The following DCN variants were observed in gnomAD, a reference collection of about 807,000 sequenced individuals.
DCN encodes the protein decorin, also known as bone proteoglycan II.
DCN carries 17 observed loss-of-function variants against 36.5 expected under a neutral mutation model. The observed-to-expected ratio is 0.47, with a 90% CI of 0.32 to 0.70. DCN has a LOEUF of 0.70. Ranked by LOEUF, DCN falls within the 30% of genes least tolerant of loss-of-function variation. The pLI is 0.04. For synonymous variants in DCN, 163 were observed against 161.4 expected (o/e 1.01, Z -0.07); for missense variants, 389 against 430.1 (o/e 0.90, Z 0.84).
chr12:91,172,469 T>C (rs1883029667), intron 2 of DCN: 1 of 207,392 alleles, frequency 4.8e-6, no homozygotes, highest in African/African-American at 2.4e-5. Context: ...GGCAAGCATG[T>C]TCCCCTTTTT....
Position 91,167,080 on chromosome 12 carries a change from A to G in DCN, c.212-2363T>C, listed in dbSNP as rs192738446. Among the ~76,000 whole-genome samples the G allele has an allele frequency of 6.0e-4, 91 of 152,346 alleles. 1 individual carries two copies. In the East Asian group the frequency reaches 0.01, roughly 17 times the overall value. Reference sequence around the variant, plus strand: ...ACAAGCTTATCTAGTTAGGAATGACAAAATGTGGATTAGATGACAACTCTC... The same window carrying G: ...ACAAGCTTATCTAGTTAGGAATGACGAAATGTGGATTAGATGACAACTCTC... On this transcript the variant is annotated intron_variant, in intron 2 of 7. Transcript: ENST00000052754.
intron 1 of DCN, 25 bp from the exon 2 acceptor site, chr12:91,178,610 G>A: frequency 1.4e-6 from 2 of 1,438,676 alleles, no homozygotes; most frequent in African/African-American, 1.4e-5. Flanking sequence ...AGAGATTTAA[G>A]AAGAGTAGCA....
intron 4 of DCN, 151 bp from the exon 5 acceptor site, chr12:91,157,339 CAGG>C (rs1881853493): frequency 1.5e-6 from 1 of 649,402 alleles, no homozygotes; most frequent in Non-Finnish European, 2.8e-6. Flanking sequence ...GCATGCTCCT[CAGG>C]AGAATAGCAA....
intron 2 of DCN, chr12:91,175,525 C>T (rs983771134): frequency 6.6e-5 from 10 of 151,988 alleles, no homozygotes; most frequent in African/African-American, 2.2e-4. Flanking sequence ...TTAACTTTGC[C>T]AAGAATATTT....
At chr12:91,160,468 CT>C (rs1173112280) in intron 3 of DCN, among the ~76,000 whole-genome samples, 1 of 151,878 alleles carries the variant, frequency 6.6e-6, no homozygotes, top group Non-Finnish European at 1.5e-5. Context: ...GTTCTAAAGG[CT>C]TTTTTGGTGA....
intron 5 of DCN, among the ~76,000 whole-genome samples, chr12:91,153,572 A>G (rs1458571802): frequency 6.6e-6 from 1 of 152,146 alleles, no homozygotes; most frequent in Non-Finnish European, 1.5e-5. Context: ...TATTCGAACC[A>G]TAATGAAGAG....
In DCN at chr12:91,153,062, G is replaced by T. The variant is rs184225368; in HGVS notation, c.746+34C>A. ...ATAAGCACTAATATACCTAGCCATTGTTCTGATAGAATGTCATGAAAGAAT... is the reference window on the plus strand; with the variant it reads ...ATAAGCACTAATATACCTAGCCATTTTTCTGATAGAATGTCATGAAAGAAT... On this transcript the variant is annotated intron_variant, in intron 6 of 7. Coordinates refer to ENST00000052754, the MANE Select transcript of DCN (RefSeq NM_001920.5). 1.1e-4 allele frequency: 126 copies of T among 1,138,434 alleles called. No homozygotes were observed. In the East Asian group the frequency reaches 2.1e-3, roughly 19 times the overall value. The allele number at this position is 1,138,434 out of a possible 1,614,324, so 70.5% of individuals were successfully genotyped here.
chr12:91,142,824 G>C lies in DCN; in HGVS notation c.*3234C>G, dbSNP rs1237726524. 2 of 152,014 alleles carry C rather than the reference G, an allele frequency of 1.3e-5. No individual in the cohort carries two copies. Among genetic ancestry groups the C allele is most frequent in the Non-Finnish European group, 2.9e-5 (2 of 67,982 alleles). 9.4% of individuals were successfully genotyped at this position (152,014 alleles called of 1,614,324 possible). On this transcript the variant is annotated 3_prime_UTR_variant, in exon 8 of 8. Coordinates refer to ENST00000052754, the MANE Select transcript of DCN (RefSeq NM_001920.5). ...GTGAAGCACCCATAATCGAACAACA[G>C]TTTTAATGAAAACAAAAAAATTAAA...
chr12:91,177,481 A>G, intron 2 of DCN: 1 of 670,898 alleles, frequency 1.5e-6, no homozygotes, highest in Non-Finnish European at 2.7e-6. Context: ...TCCAGTAAGA[A>G]AATACACCCC....
rs189189870 is a variant in DCN, at chr12:91,172,799, A to G, written c.211+5543T>C. 77 of 692,034 alleles carry G rather than the reference A, an allele frequency of 1.1e-4. No individual in the cohort carries two copies. The East Asian group carries it at 2.0e-3, about 18-fold the overall frequency. The allele number at this position is 692,034 out of a possible 1,614,324, so 42.9% of individuals were successfully genotyped here. Reference sequence around the variant, plus strand: ...ATCAATCGTTCAGTGATGTGTAAAGAGTCTACAAAGTATAAGGCAGTTTGT... The same window carrying G: ...ATCAATCGTTCAGTGATGTGTAAAGGGTCTACAAAGTATAAGGCAGTTTGT... On this transcript the variant is annotated intron_variant, in intron 2 of 7. Coordinates refer to ENST00000052754, the MANE Select transcript of DCN (RefSeq NM_001920.5).
intron 2 of DCN, among the ~76,000 whole-genome samples, chr12:91,168,883 T>C (rs1466423905): frequency 1.3e-5 from 2 of 152,222 alleles, no homozygotes; most frequent in East Asian, 3.8e-4. Flanking sequence ...GAAGACTGAT[T>C]TTTCTGTCTA....
chr12:91,146,839 A>G (rs1881059515), intron 7 of DCN, among the ~76,000 whole-genome samples: 2 of 152,302 alleles, frequency 1.3e-5, no homozygotes, highest in South Asian at 2.1e-4. Context: ...TGCTCTCTAC[A>G]TAATCAACAA....
chr12:91,155,575 T>A (rs1881710537), intron 5 of DCN, among the ~76,000 whole-genome samples: 1 of 152,134 alleles, frequency 6.6e-6, no homozygotes, highest in African/African-American at 2.4e-5. Flanking sequence ...ATGTAAGTCA[T>A]CTGGCTGCAT....
chr12:91,153,234 T>G (rs1194244255), intron 5 of DCN, 45 bp from the exon 6 acceptor site: 1 of 1,073,866 alleles, frequency 9.3e-7, no homozygotes, highest in Non-Finnish European at 1.5e-6. Context: ...ATAAACATTA[T>G]AAGTACAGAA....
chr12:91,159,154 T>C (rs944462191), intron 3 of DCN, among the ~76,000 whole-genome samples: 13 of 152,246 alleles, frequency 8.5e-5, no homozygotes, highest in African/African-American at 3.1e-4. Context: ...TGACCCTAGA[T>C]ACCTGAAAAT....
chr12:91,151,409 A>G, intron 7 of DCN: 1 of 467,160 alleles, frequency 2.1e-6, no homozygotes, highest in South Asian at 2.1e-5. Flanking sequence ...AAAAAATATC[A>G]GCATTACAGA....
At chr12:91,164,478 A>AAT in intron 3 of DCN, 127 bp downstream of exon 3, 1 of 445,392 alleles carries the variant, frequency 2.2e-6, no homozygotes, top group Non-Finnish European at 4.0e-6. Flanking sequence ...AAAAAAAAAA[A>AAT]GGTGAAGTTA....
chr12:91,156,789 A>T (rs1881806720), intron 5 of DCN, among the ~76,000 whole-genome samples: 1 of 151,618 alleles, frequency 6.6e-6, no homozygotes, highest in Non-Finnish European at 1.5e-5. Flanking sequence ...ATCACTGTGC[A>T]TTAAGTTGTG....
chr12:91,169,086 T>C (rs1461452399), intron 2 of DCN, among the ~76,000 whole-genome samples: 1 of 152,058 alleles, frequency 6.6e-6, no homozygotes, highest in Non-Finnish European at 1.5e-5. Flanking sequence ...TGTGAATCTG[T>C]AGTGTAAAGG....
Sources: allele counts gnomAD v4.1 joint callset (sites outside exome capture counted in the v4.1 genomes callset), GRCh38; gene constraint gnomAD v4.1.1; transcripts MANE v1.5; gene names NCBI Gene and HGNC (gene_info 2026-07-23, HGNC 2026-07-21).